The following COL27A1 variants were observed in gnomAD, a reference collection of about 807,000 sequenced individuals.
COL27A1 encodes collagen type XXVII alpha 1 chain.
Under a neutral mutation model 251.3 loss-of-function variants are expected in COL27A1, and 106 were observed. That is an observed-to-expected ratio of 0.42 (90% confidence interval 0.36 to 0.50). The LOEUF (loss-of-function observed/expected upper bound fraction) is 0.50, where lower values mean the gene tolerates loss of function less well. Among genes scored for constraint, COL27A1 ranks in the 20% least tolerant of loss-of-function variants. COL27A1 has a pLI of 0.00. For missense variants in COL27A1, 2,325 were observed against 2,522.8 expected, an observed-to-expected ratio of 0.92 and a Z score of 1.68; for synonymous variants, 1,000 against 986.3, an observed-to-expected ratio of 1.01 and a Z score of -0.26.
chr9:114,171,522 GGT>G lies in COL27A1; in HGVS notation c.1908+2063_1908+2064del, dbSNP rs146882783. Among the ~76,000 whole-genome samples, 1,269 of 152,106 alleles carry G rather than the reference GGT, an allele frequency of 8.3e-3. 18 individuals are homozygous for G. Among genetic ancestry groups the G allele is most frequent in the African/African-American group, 0.029 (1,200 of 41,486 alleles). On this transcript the variant is annotated intron_variant, in intron 3 of 60. Transcript: ENST00000356083. Reference sequence around the variant, plus strand: ...TCTATCACCCAGGCTGCTGTGCAGTGGTGTGATCACAGCTCACTGCATCCTTA... The same window carrying G: ...TCTATCACCCAGGCTGCTGTGCAGTGGTGATCACAGCTCACTGCATCCTTA...
At chr9:114,213,067 T>C (rs1482055733) in intron 12 of COL27A1, among the ~76,000 whole-genome samples, 1 of 152,124 alleles carries the variant, frequency 6.6e-6, no homozygotes, top group African/African-American at 2.4e-5. Flanking sequence ...AGGTAAATGA[T>C]TAGGTCAAGG....
intron 34 of COL27A1, chr9:114,269,000 A>ATGCTGT (rs112255284): frequency 6.2e-6 from 3 of 482,152 alleles, no homozygotes; most frequent in Non-Finnish European, 1.1e-5. Context: ...TAATAGGATG[A>ATGCTGT]TGGTGTTGGT....
Position 114,168,709 on chromosome 9 carries a change from C to G in COL27A1, c.1154C>G (p.Pro385Arg). ...ACTTCAATTGTGCCCATCAAAAGCC[C>G]CCATCCTACCCAGAAAACAGCTCCA... ...PSTSIVPIKS[P>R]HPTQKTAPSS... is the part of the protein sequence containing the mutation. The change falls in exon 3 of 61, where the codon CCC becomes CGC. Residue 385 changes from proline to arginine, a missense_variant. Coordinates refer to ENST00000356083, the MANE Select transcript of COL27A1 (RefSeq NM_032888.4). 6.2e-7 allele frequency: 1 copy of G among 1,614,090 alleles called. No homozygotes were observed. The highest frequency in any genetic ancestry group is 2.2e-5 in the East Asian group (1 of 44,864).
chr9:114,306,251 ACGGGGCTCTGCCTGT>A, intron 57 of COL27A1: 1 of 351,564 alleles, frequency 2.8e-6, no homozygotes, highest in Non-Finnish European at 5.2e-6. Flanking sequence ...TACCTCATTC[ACGGGGCTCTGCCTGT>A]CCCATATCAG....
intron 1 of COL27A1, 43 bp downstream of exon 1, chr9:114,156,055 G>A: frequency 1.5e-6 from 2 of 1,295,302 alleles, no homozygotes; most frequent in East Asian, 2.8e-5. Context: ...GCTTCCTGCT[G>A]CTCCAATCTC....
intron 12 of COL27A1, among the ~76,000 whole-genome samples, chr9:114,217,358 G>C (rs1411842778): frequency 6.6e-6 from 1 of 152,170 alleles, no homozygotes; most frequent in Non-Finnish European, 1.5e-5. Flanking sequence ...CTCCCTTTTG[G>C]ATGGCAAAGA....
At chr9:114,219,732 C>T in intron 12 of COL27A1, 59 bp from the exon 13 acceptor site, 2 of 1,246,232 alleles carry the variant, frequency 1.6e-6, no homozygotes, top group Non-Finnish European at 2.4e-6. Flanking sequence ...TGGATCAAAG[C>T]CCACCCTGAA....
In COL27A1 at chr9:114,309,374, G is replaced by A; in HGVS notation, c.5332G>A (p.Gly1778Arg). 1 of 1,614,096 alleles carries A rather than the reference G, an allele frequency of 6.2e-7. No individual in the cohort carries two copies. The highest frequency in any genetic ancestry group is 8.5e-7 in the Non-Finnish European group (1 of 1,180,032). ...CATGACCGTGTGGCAGGAGGGCACT[G>A]GGCAGACCCCAGCCAAGCAGGCCGT... Reference protein sequence around the residue: ...LNMTVWQEGTGQTPAKQAVRF... With the variant: ...LNMTVWQEGTRQTPAKQAVRF... Residue 1778 changes from glycine to arginine, a missense_variant, in exon 60 of 61, where the codon GGG becomes AGG. Around this residue, in one of 4 missense-constraint regions of COL27A1, gnomAD observed 327 missense variants for 442.8 expected, o/e 0.74. Transcript: ENST00000356083.
chr9:114,231,807 G>A lies in COL27A1; in HGVS notation c.2521-15G>A. On this transcript the variant is annotated splice_polypyrimidine_tract_variant and intron_variant, in intron 15 of 60. Coordinates refer to ENST00000356083, the MANE Select transcript of COL27A1 (RefSeq NM_032888.4). ...TAGAGTCCCATCACAGCTGGCCTTG[G>A]GCTTTGTCTTGCAGGGACTGATGGG... The A allele has an allele frequency of 3.1e-6, 5 of 1,614,184 alleles. No individual in the cohort carries two copies. Among genetic ancestry groups the A allele is most frequent in the Non-Finnish European group, 4.2e-6 (5 of 1,180,002 alleles).
chr9:114,220,341 C>T (rs1345581541), intron 13 of COL27A1, among the ~76,000 whole-genome samples: 3 of 152,212 alleles, frequency 2.0e-5, no homozygotes, highest in Admixed American at 6.5e-5. Context: ...CCAGGTCAGC[C>T]TGCCCTGGGG....
At chr9:114,257,719 G>T (rs942430535) in intron 27 of COL27A1, among the ~76,000 whole-genome samples, 1 of 151,798 alleles carries the variant, frequency 6.6e-6, no homozygotes, top group Non-Finnish European at 1.5e-5. Flanking sequence ...TGCCCTCTCC[G>T]CCTCCCAAGC....
intron 5 of COL27A1, among the ~76,000 whole-genome samples, chr9:114,194,046 A>G (rs915903453): frequency 6.6e-6 from 1 of 152,176 alleles, no homozygotes; most frequent in African/African-American, 2.4e-5. Flanking sequence ...ACAGTGTGGG[A>G]CATGGCTGGG....
intron 49 of COL27A1, among the ~76,000 whole-genome samples, chr9:114,298,957 C>T (rs1687401): frequency 0.41 from 61,633 of 151,980 alleles, 12,615 homozygotes; most frequent in Admixed American, 0.46. Context: ...AAATTTAAAA[C>T]GGACAAAGTA....
At chr9:114,205,078 T>C in intron 7 of COL27A1, 24 bp from the exon 8 acceptor site, 1 of 1,613,296 alleles carries the variant, frequency 6.2e-7, no homozygotes, top group South Asian at 1.1e-5. Context: ...CCCTGCCTGA[T>C]GCAGCTTCTT....
rs943534393 is a variant in COL27A1, at chr9:114,311,928, T to A, written c.*1233T>A. 2 of 152,236 alleles carry A rather than the reference T, an allele frequency of 1.3e-5. No homozygotes were observed. Among genetic ancestry groups the A allele is most frequent in the Non-Finnish European group, 2.9e-5 (2 of 68,040 alleles). The allele number at this position is 152,236 out of a possible 1,614,324, so 9.4% of individuals were successfully genotyped here. A position where few individuals can be genotyped will look rare whatever the true frequency, so the allele number is the denominator to read the frequency against. Reference sequence around the variant, plus strand: ...GCAAGATGCAATCATCGTTCCTGCTTTTTCATTGTCATTAAATTCTGTAGA... The same window carrying A: ...GCAAGATGCAATCATCGTTCCTGCTATTTCATTGTCATTAAATTCTGTAGA... On this transcript the variant is annotated 3_prime_UTR_variant, in exon 61 of 61. Transcript: ENST00000356083.
At chr9:114,281,608 A>G (rs1177099071) in intron 37 of COL27A1, among the ~76,000 whole-genome samples, 1 of 152,208 alleles carries the variant, frequency 6.6e-6, no homozygotes, top group Non-Finnish European at 1.5e-5. Context: ...CGTTCAAGGG[A>G]CATGCCCACA....
intron 48 of COL27A1, among the ~76,000 whole-genome samples, chr9:114,291,850 AG>A (rs1486774390): frequency 1.3e-5 from 2 of 152,092 alleles, no homozygotes; most frequent in Non-Finnish European, 2.9e-5. Context: ...AGCAATAAGG[AG>A]GAGAGGAATT....
intron 2 of COL27A1, among the ~76,000 whole-genome samples, chr9:114,164,562 C>A (rs1457705067): frequency 2.0e-5 from 3 of 152,150 alleles, no homozygotes; most frequent in Non-Finnish European, 2.9e-5. Context: ...TGCAGGTTAG[C>A]CCTAAATTCC....
intron 17 of COL27A1, among the ~76,000 whole-genome samples, 189 bp from the exon 18 acceptor site, chr9:114,236,792 G>T (rs568304301): frequency 1.3e-5 from 2 of 152,284 alleles, no homozygotes; most frequent in East Asian, 3.9e-4. Context: ...ATTTCCTGGG[G>T]CCCAGCCTAT....
Sources: allele counts gnomAD v4.1 joint callset (sites outside exome capture counted in the v4.1 genomes callset), GRCh38; gene constraint gnomAD v4.1.1; regional missense constraint gnomAD v4.1.1; transcripts MANE v1.5; gene names NCBI Gene and HGNC (gene_info 2026-07-23, HGNC 2026-07-21).